MYO5A: variants seen among roughly 807,000 people sequenced by gnomAD.
MYO5A encodes the protein unconventional myosin-Va.
MYO5A carries 98 observed loss-of-function variants against 249.7 expected under a neutral mutation model. That is an observed-to-expected ratio of 0.39 (90% CI 0.33 to 0.46). The LOEUF (loss-of-function observed/expected upper bound fraction) is 0.46, where lower values mean the gene tolerates loss of function less well. Ranked by LOEUF, MYO5A falls within the 20% of genes least tolerant of loss-of-function variation. The pLI, the probability that MYO5A is intolerant of heterozygous loss-of-function variation, is 0.98. For missense variants in MYO5A, 1,696 were observed against 2,308.8 expected (o/e 0.73, Z 5.44); for synonymous variants, 778 against 810.6 (o/e 0.96, Z 0.68).
At chr15:52,348,867 CA>C (rs1336176167) in intron 28 of MYO5A, 41 bp from the exon 29 acceptor site, 2 of 1,595,528 alleles carry the variant, frequency 1.3e-6, no homozygotes, top group African/African-American at 2.7e-5. Context: ...ACAGAGAAAA[CA>C]ATAAACCCTT....
In MYO5A at chr15:52,340,332, C is replaced by T. The variant is rs753717165; in HGVS notation, c.4103G>A (p.Arg1368His). 4.3e-6 allele frequency: 7 copies of T among 1,613,836 alleles called. No individual in the cohort carries two copies. The highest frequency in any genetic ancestry group is 1.1e-5 in the South Asian group (1 of 91,082). Residue 1368 changes from arginine to histidine, a missense_variant, in exon 32 of 42, where the codon CGT (arginine) becomes CAT (histidine). This residue lies in a region of MYO5A where 625 missense variants were observed against 908.1 expected (regional missense o/e 0.69). Transcript: ENST00000399233. ...RSHENEAEAL[R>H]GEIQSLKEEN... ...CTCCTTCAGGCTCTGGATCTCCCCA[C>T]GGAGGGCCTCGGCCTCATTCTCATG... is the stretch of plus-strand genomic sequence containing the variant.
At position 52,376,252 on chromosome 15, in the gene MYO5A, A is replaced by C. The variant is rs772786666; in HGVS notation, c.2420+95T>G. 16 of 1,121,948 alleles carry C rather than the reference A, an allele frequency of 1.4e-5. No homozygotes were observed. In the South Asian group the frequency reaches 2.1e-4, roughly 14 times the overall value. 69.5% of individuals were successfully genotyped at this position (1,121,948 alleles called of 1,614,324 possible). A position where few individuals can be genotyped will look rare whatever the true frequency, so the allele number is the denominator to read the frequency against. On this transcript the variant is annotated intron_variant, in intron 19 of 41. Transcript: ENST00000399233. ...TGTCCCTTGGAACTAAGAAAAGGTG[A>C]GGTGTTATCTTTTCAGCTATGGTGA...
chr15:52,518,438 C>T (rs574659323), intron 1 of MYO5A, among the ~76,000 whole-genome samples: 2 of 152,146 alleles, frequency 1.3e-5, no homozygotes, highest in East Asian at 1.9e-4. Flanking sequence ...ATACACATTC[C>T]GACTTTATGA....
upstream of MYO5A, chr15:52,528,977 G>T: frequency 2.8e-6 from 1 of 353,622 alleles, no homozygotes; most frequent in Non-Finnish European, 4.1e-6. Context: ...CTCAGGCGCT[G>T]GCCGCCCGCA....
Position 52,383,090 on chromosome 15 carries a change from C to A in MYO5A, c.2012+1G>T, listed in dbSNP as rs769021352. The A allele has an allele frequency of 6.2e-7, 1 of 1,606,786 alleles. No individual in the cohort carries two copies. The highest frequency in any genetic ancestry group is 1.7e-5 in the Admixed American group (1 of 59,996). On this transcript the variant is annotated splice_donor_variant, in intron 16 of 41. Coordinates refer to ENST00000399233, the MANE Select transcript of MYO5A (RefSeq NM_001382347.1). LOFTEE classifies it high-confidence loss of function. Reference sequence around the variant, plus strand: ...TCACTGGGTGGTTCAGAAATACTTACGTGAATGGGAACTTGAAGTCATTAG... The same window carrying A: ...TCACTGGGTGGTTCAGAAATACTTAAGTGAATGGGAACTTGAAGTCATTAG...
At chr15:52,466,088 CCAGGAGA>C (rs1022369159) in intron 1 of MYO5A, among the ~76,000 whole-genome samples, 3 of 152,150 alleles carry the variant, frequency 2.0e-5, no homozygotes, top group African/African-American at 7.2e-5. Flanking sequence ...TGCGGAGCAG[CCAGGAGA>C]CTGTGAGAAG....
chr15:52,416,041 G>T, intron 5 of MYO5A, 104 bp downstream of exon 5: 4 of 1,328,502 alleles, frequency 3.0e-6, no homozygotes, highest in Non-Finnish European at 4.3e-6. Context: ...AATTTTAGTG[G>T]CTGGAGACCC....
rs183821538 is a variant in MYO5A, at chr15:52,475,466, T to G, written c.28-42181A>C. ...GTTTGCTCTTGTTTCTCTAGTTCTT[T>G]TAATTGTGATGTTAGGGTGTCAATT... On this transcript the variant is annotated intron_variant, in intron 1 of 41. Transcript: ENST00000399233. Among the ~76,000 whole-genome samples the G allele has an allele frequency of 6.6e-3, 1,005 of 152,336 alleles. 17 individuals carry two copies. The highest frequency in any genetic ancestry group is 0.023 in the African/African-American group (968 of 41,578).
chr15:52,471,400 T>C (rs989311783), intron 1 of MYO5A, among the ~76,000 whole-genome samples: 1 of 152,058 alleles, frequency 6.6e-6, no homozygotes, highest in African/African-American at 2.4e-5. Flanking sequence ...GCCCAGGAGT[T>C]TGAGACCAGC....
chr15:52,387,586 C>T (rs1282720079), intron 14 of MYO5A, among the ~76,000 whole-genome samples: 2 of 152,118 alleles, frequency 1.3e-5, no homozygotes, highest in African/African-American at 4.8e-5. Flanking sequence ...ACTCGGTAGC[C>T]ATGAAGTCTC....
intron 1 of MYO5A, among the ~76,000 whole-genome samples, chr15:52,507,367 G>A (rs2141605595): frequency 6.6e-6 from 1 of 152,316 alleles, no homozygotes; most frequent in Non-Finnish European, 1.5e-5. Flanking sequence ...AAAAGGGACT[G>A]GAATGAAAGT....
At chr15:52,319,405 T>G in intron 38 of MYO5A, 63 bp from the exon 39 acceptor site, 4 of 1,482,110 alleles carry the variant, frequency 2.7e-6, no homozygotes, top group Non-Finnish European at 3.8e-6. Context: ...TGTGCACATA[T>G]CCATGTGCAC....
At chr15:52,323,206 A>C in intron 37 of MYO5A, 149 bp downstream of exon 37, 1 of 664,522 alleles carries the variant, frequency 1.5e-6, no homozygotes. Context: ...CTTCATAGAT[A>C]GTGAACATCA....
intron 29 of MYO5A, 59 bp downstream of exon 29, chr15:52,348,759 T>C: frequency 7.3e-7 from 1 of 1,372,866 alleles, no homozygotes; most frequent in Non-Finnish European, 1.0e-6. Flanking sequence ...GGGATACTTG[T>C]AAACTAAAGT....
chr15:52,527,513 A>G (rs567897991), intron 1 of MYO5A, among the ~76,000 whole-genome samples: 1 of 152,226 alleles, frequency 6.6e-6, no homozygotes, highest in Non-Finnish European at 1.5e-5. Flanking sequence ...TGAAGAAATT[A>G]ATCATATATC....
At chr15:52,388,633 C>T (rs2042073076) in intron 13 of MYO5A, among the ~76,000 whole-genome samples, 1 of 152,174 alleles carries the variant, frequency 6.6e-6, no homozygotes, top group South Asian at 2.1e-4. Context: ...ATAAATTACT[C>T]TCATTGCTTG....
At chr15:52,384,825 A>G (rs1359437024) in intron 14 of MYO5A, among the ~76,000 whole-genome samples, 2 of 152,250 alleles carry the variant, frequency 1.3e-5, no homozygotes, top group Non-Finnish European at 2.9e-5. Flanking sequence ...CATCACCGAA[A>G]ATCTCAGCAG....
chr15:52,368,068 T>C (rs1225570439), intron 22 of MYO5A, among the ~76,000 whole-genome samples: 1 of 152,226 alleles, frequency 6.6e-6, no homozygotes, highest in Non-Finnish European at 1.5e-5. Flanking sequence ...AATTCCTTTT[T>C]CTAAGCTAAA....
intron 1 of MYO5A, among the ~76,000 whole-genome samples, chr15:52,491,417 T>C (rs1186835309): frequency 6.6e-6 from 1 of 152,176 alleles, no homozygotes; most frequent in East Asian, 1.9e-4. Context: ...ATAGAGTCTT[T>C]AAAAAATAAG....
Sources: gnomAD v4.1 joint callset for allele counts (sites outside exome capture counted in the v4.1 genomes callset) on GRCh38, gnomAD v4.1.1 for gene constraint, gnomAD v4.1.1 regional missense constraint, MANE v1.5 for transcripts, NCBI Gene and HGNC (gene_info 2026-07-23, HGNC 2026-07-21) for gene names.